MAGI2: variants seen among roughly 807,000 people sequenced by gnomAD.
MAGI2 encodes membrane associated guanylate kinase, WW and PDZ domain containing 2, also known as membrane-associated guanylate kinase, WW and PDZ domain-containing protein 2.
A neutral mutation model predicts 133.3 loss-of-function variants in MAGI2; 35 were observed. The observed-to-expected ratio is 0.26, with a 90% confidence interval of 0.20 to 0.35. MAGI2 has a LOEUF of 0.35. Ranked by LOEUF, MAGI2 falls within the 10% of genes least tolerant of loss-of-function variation. MAGI2 has a pLI of 1.00. For missense variants in MAGI2, 1,636 were observed against 1,863.4 expected, an observed-to-expected ratio of 0.88 and a Z score of 2.25; for synonymous variants, 729 against 710.6, an observed-to-expected ratio of 1.03 and a Z score of -0.41.
In MAGI2 at chr7:78,437,232, G is replaced by T. The variant is rs141022847; in HGVS notation, c.1045+52529C>A. The stretch of plus-strand genomic sequence containing the variant: ...GGCTGCCATTCACAGCTTTGTCTCA[G>T]TTGCGTCTGTACCACCTCAAGAGAC... On this transcript the variant is annotated intron_variant, in intron 6 of 21. Transcript: ENST00000354212. Among the ~76,000 whole-genome samples, 592 of 152,280 alleles carry T rather than the reference G, an allele frequency of 3.9e-3. 3 individuals are homozygous for T. Among genetic ancestry groups the T allele is most frequent in the African/African-American group, 0.013 (546 of 41,562 alleles).
chr7:78,808,170 A>G (rs1788742360), intron 2 of MAGI2, among the ~76,000 whole-genome samples: 1 of 152,202 alleles, frequency 6.6e-6, no homozygotes, highest in Admixed American at 6.5e-5. Flanking sequence ...TTCTGGGAAT[A>G]GTTCAGTAGG....
At chr7:79,377,259 C>T (rs924743290) in intron 1 of MAGI2, among the ~76,000 whole-genome samples, 2 of 151,576 alleles carry the variant, frequency 1.3e-5, no homozygotes, top group Non-Finnish European at 2.9e-5. Context: ...GACACAGTAC[C>T]AAACTGAAGA....
At chr7:79,240,808 C>T (rs1318710894) in intron 1 of MAGI2, among the ~76,000 whole-genome samples, 2 of 151,982 alleles carry the variant, frequency 1.3e-5, no homozygotes, top group African/African-American at 4.8e-5. Flanking sequence ...TCCAATCTTT[C>T]TTCATGTCTG....
chr7:79,219,156 T>C lies in MAGI2; in HGVS notation c.302-211950A>G, dbSNP rs960529184. ...ATTTAGAACACTGACTGGTATACTATAAGCTTTAATATTTATCATTATTAT... is the reference window on the plus strand; with the variant it reads ...ATTTAGAACACTGACTGGTATACTACAAGCTTTAATATTTATCATTATTAT... On this transcript the variant is annotated intron_variant, in intron 1 of 21. Transcript: ENST00000354212. Among the ~76,000 whole-genome samples the C allele has an allele frequency of 3.3e-5, 5 of 152,194 alleles. No individual in the cohort carries two copies. The East Asian group carries it at 9.6e-4, about 29-fold the overall frequency.
chr7:78,779,637 G>A (rs941209923), intron 2 of MAGI2, among the ~76,000 whole-genome samples: 3 of 152,186 alleles, frequency 2.0e-5, no homozygotes, highest in Non-Finnish European at 4.4e-5. Flanking sequence ...CCTTCTCTTC[G>A]AAACACAGAT....
chr7:79,212,356 A>G (rs1378486164), intron 1 of MAGI2, among the ~76,000 whole-genome samples: 1 of 152,094 alleles, frequency 6.6e-6, no homozygotes, highest in Non-Finnish European at 1.5e-5. Context: ...TTCAGGTAAC[A>G]TTCTTAAAAG....
intron 2 of MAGI2, among the ~76,000 whole-genome samples, chr7:78,818,129 A>G (rs2151422029): frequency 6.6e-6 from 1 of 152,298 alleles, no homozygotes; most frequent in East Asian, 1.9e-4. Context: ...CTGAACCATC[A>G]TTAATATTGG....
chr7:78,156,431 C>T (rs111663083), intron 16 of MAGI2, among the ~76,000 whole-genome samples: 22 of 152,226 alleles, frequency 1.4e-4, no homozygotes, highest in African/African-American at 5.3e-4. Flanking sequence ...CTGCACTACT[C>T]GACAAGAGTG....
chr7:78,165,188 T>G (rs1023589955), intron 15 of MAGI2, among the ~76,000 whole-genome samples: 2 of 152,092 alleles, frequency 1.3e-5, no homozygotes, highest in African/African-American at 4.8e-5. Context: ...TATCTTCTGA[T>G]TGGAAATTCT....
chr7:78,891,672 TCAA>T (rs1301404895), intron 2 of MAGI2, among the ~76,000 whole-genome samples: 1 of 152,162 alleles, frequency 6.6e-6, no homozygotes, highest in African/African-American at 2.4e-5. Context: ...TTGACAAAAT[TCAA>T]CAACACTTCA....
chr7:78,154,316 A>G (rs539935578), intron 16 of MAGI2, among the ~76,000 whole-genome samples: 1 of 152,284 alleles, frequency 6.6e-6, no homozygotes, highest in South Asian at 2.1e-4. Context: ...CCAAACTTCA[A>G]CCCATGCTGG....
At chr7:78,512,972 A>G in intron 4 of MAGI2, among the ~76,000 whole-genome samples, 2 of 152,206 alleles carry the variant, frequency 1.3e-5, no homozygotes, top group East Asian at 3.9e-4. Context: ...GAAAATATCT[A>G]AAGATATTTA....
Position 78,078,810 on chromosome 7 carries a change from G to GTA in MAGI2, c.3706+136_3706+137insTA, listed in dbSNP as rs766089128. On this transcript the variant is annotated intron_variant, in intron 21 of 21. Transcript: ENST00000354212. ...TGTATGTGTGTGTGTGTGTGTGTGT[G>GTA]TGTATATATATACCTATTGATAGCT... 53 of 766,986 alleles carry GTA rather than the reference G, an allele frequency of 6.9e-5. No homozygotes were observed. The Admixed American group carries it at 9.0e-4, about 13-fold the overall frequency. 47.5% of individuals were successfully genotyped at this position (766,986 alleles called of 1,614,324 possible).
chr7:78,374,288 TTTGAG>T (rs1794225012), intron 6 of MAGI2, among the ~76,000 whole-genome samples: 1 of 152,166 alleles, frequency 6.6e-6, no homozygotes, highest in African/African-American at 2.4e-5. Context: ...CCTTTTGTGG[TTTGAG>T]TTGTGTTTCT....
chr7:78,452,079 G>T (rs1366142467), intron 6 of MAGI2, among the ~76,000 whole-genome samples: 2 of 152,054 alleles, frequency 1.3e-5, no homozygotes, highest in Non-Finnish European at 2.9e-5. Context: ...GTTGATGATA[G>T]AAACTAACGT....
chr7:78,960,281 T>A (rs965795328), intron 2 of MAGI2, among the ~76,000 whole-genome samples: 1 of 152,122 alleles, frequency 6.6e-6, no homozygotes, highest in Non-Finnish European at 1.5e-5. Context: ...CACATATTAT[T>A]TGTTACCTAT....
chr7:78,498,747 G>C (rs1206640710), intron 5 of MAGI2, among the ~76,000 whole-genome samples: 2 of 152,054 alleles, frequency 1.3e-5, no homozygotes, highest in African/African-American at 2.4e-5. Context: ...TCACAAACTG[G>C]GGGTAAGGTG....
chr7:78,243,261 A>T (rs1791365714), intron 10 of MAGI2, among the ~76,000 whole-genome samples: 2 of 43,524 alleles, frequency 4.6e-5, no homozygotes, highest in Non-Finnish European at 6.2e-5. Flanking sequence ...ACACACACAC[A>T]CACACACACT....
At chr7:78,888,849 C>G (rs886362680) in intron 2 of MAGI2, among the ~76,000 whole-genome samples, 5 of 152,150 alleles carry the variant, frequency 3.3e-5, no homozygotes, top group African/African-American at 1.2e-4. Context: ...AACGCAGCTA[C>G]TCACTAGCAA....
Sources: gnomAD v4.1 joint callset for allele counts (sites outside exome capture counted in the v4.1 genomes callset) on GRCh38, gnomAD v4.1.1 for gene constraint, MANE v1.5 for transcripts, NCBI Gene and HGNC (gene_info 2026-07-23, HGNC 2026-07-21) for gene names.